TRPS1: variants seen among roughly 807,000 people sequenced by gnomAD.
The protein encoded by TRPS1 is transcriptional repressor GATA binding 1.
A neutral mutation model predicts 101.2 loss-of-function variants in TRPS1; 6 were observed. The observed-to-expected ratio is 0.06, with a 90% CI of 0.03 to 0.12. The LOEUF is 0.12. Among genes scored for constraint, TRPS1 ranks in the 10% least tolerant of loss-of-function variants. The probability of loss-of-function intolerance (pLI) is 1.00; values close to 1 mark genes in which losing one functional copy is unlikely to be tolerated. For synonymous variants in TRPS1, 578 were observed against 589.8 expected (o/e 0.98, Z 0.29); for missense variants, 1,363 against 1,567.0 (o/e 0.87, Z 2.20).
chr8:115,430,010 C>G (rs966205118), intron 5 of TRPS1, among the ~76,000 whole-genome samples: 1 of 152,094 alleles, frequency 6.6e-6, no homozygotes, highest in African/African-American at 2.4e-5. Flanking sequence ...CATAGTGTAG[C>G]TGAAATTTAA....
intron 5 of TRPS1, among the ~76,000 whole-genome samples, chr8:115,501,064 G>T (rs1391313816): frequency 2.0e-5 from 3 of 151,902 alleles, no homozygotes; most frequent in African/African-American, 2.4e-5. Flanking sequence ...CTGATTGTGC[G>T]ACTCTATCCT....
At chr8:115,658,185 T>C (rs1811717660) in intron 1 of TRPS1, among the ~76,000 whole-genome samples, 1 of 152,000 alleles carries the variant, frequency 6.6e-6, no homozygotes, top group East Asian at 1.9e-4. Context: ...AGTCAGAGGA[T>C]TTTCAAAAAG....
chr8:115,497,726 T>C (rs1017632095), intron 5 of TRPS1, among the ~76,000 whole-genome samples: 10 of 152,210 alleles, frequency 6.6e-5, no homozygotes, highest in African/African-American at 2.4e-4. Context: ...ACTTGCCCAA[T>C]TTTTGACATT....
rs800897 is a variant in TRPS1, at chr8:115,409,708, A to G, written c.*4315T>C. 1 of 151,778 alleles carries G rather than the reference A, an allele frequency of 6.6e-6. No homozygotes were observed. Among genetic ancestry groups the G allele is most frequent in the South Asian group, 2.1e-4 (1 of 4,818 alleles). The allele number at this position is 151,778 out of a possible 1,614,324, so 9.4% of individuals were successfully genotyped here. On this transcript the variant is annotated 3_prime_UTR_variant, in exon 7 of 7. Coordinates refer to ENST00000395715, the MANE Select transcript of TRPS1 (RefSeq NM_014112.5). ...GCCGTCTTTCTTTGGGAAAATAACA[A>G]TGCCCTCCAAAGTCCCGACGGGCGT...
intron 5 of TRPS1, among the ~76,000 whole-genome samples, chr8:115,513,346 C>G (rs149614746): frequency 6.6e-6 from 1 of 151,690 alleles, no homozygotes; most frequent in African/African-American, 2.4e-5. Flanking sequence ...TTATTTTAAG[C>G]ACCATATTTG....
intron 5 of TRPS1, among the ~76,000 whole-genome samples, chr8:115,521,862 A>AT (rs1021772101): frequency 2.6e-5 from 4 of 152,054 alleles, no homozygotes; most frequent in South Asian, 2.1e-4. Flanking sequence ...TCTTTCCCTG[A>AT]TTTTACCAAT....
chr8:115,602,472 A>G (rs1315296893), intron 4 of TRPS1, among the ~76,000 whole-genome samples: 1 of 152,208 alleles, frequency 6.6e-6, no homozygotes, highest in African/African-American at 2.4e-5. Context: ...TTGATGCAGG[A>G]CTGTGTCTTT....
chr8:115,668,118 G>T (rs1170556218), intron 1 of TRPS1: 1 of 600,020 alleles, frequency 1.7e-6, no homozygotes, highest in Non-Finnish European at 3.0e-6. Context: ...CTCCTCCCCG[G>T]CGGCTGAACT....
chr8:115,428,524 T>A (rs757468760), intron 5 of TRPS1, among the ~76,000 whole-genome samples: 15 of 152,246 alleles, frequency 9.9e-5, no homozygotes, highest in Non-Finnish European at 1.6e-4. Flanking sequence ...CTTATTTTAA[T>A]GTAAACAACA....
At chr8:115,552,730 A>C (rs572027821) in intron 5 of TRPS1, among the ~76,000 whole-genome samples, 1 of 152,272 alleles carries the variant, frequency 6.6e-6, no homozygotes, top group African/African-American at 2.4e-5. Context: ...CACTCTTCTT[A>C]TAATTTTTGT....
intron 5 of TRPS1, among the ~76,000 whole-genome samples, chr8:115,584,395 T>C (rs1358606308): frequency 2.0e-5 from 3 of 151,972 alleles, no homozygotes; most frequent in East Asian, 3.9e-4. Context: ...TTCTGAATAA[T>C]TGTAGTTACT....
intron 5 of TRPS1, among the ~76,000 whole-genome samples, chr8:115,558,578 A>C (rs1816878379): frequency 6.6e-6 from 1 of 152,080 alleles, no homozygotes; most frequent in African/African-American, 2.4e-5. Flanking sequence ...AAAAACACTT[A>C]CTCCTGGAAG....
chr8:115,612,920 C>T (rs563675631), intron 3 of TRPS1, among the ~76,000 whole-genome samples: 2 of 152,170 alleles, frequency 1.3e-5, no homozygotes, highest in South Asian at 4.2e-4. Flanking sequence ...TGAATGTAGG[C>T]GGAGGATAAA....
At chr8:115,474,529 A>T (rs1184462903) in intron 5 of TRPS1, among the ~76,000 whole-genome samples, 1 of 152,144 alleles carries the variant, frequency 6.6e-6, no homozygotes, top group Admixed American at 6.5e-5. Context: ...TTGTAGCTTA[A>T]ATTTTTTTCT....
At chr8:115,558,647 C>CT (rs1563602416) in intron 5 of TRPS1, among the ~76,000 whole-genome samples, 2 of 152,120 alleles carry the variant, frequency 1.3e-5, no homozygotes, top group African/African-American at 4.8e-5. Flanking sequence ...TTAATCACTG[C>CT]TTTTTTTCAT....
chr8:115,603,902 T>G lies in TRPS1; in HGVS notation c.2067A>C (p.Gln689His). Residue 689 changes from glutamine to histidine, a missense_variant, in exon 4 of 7, where the codon CAA becomes CAC. This residue lies in a region of TRPS1 where 1,020 missense variants were observed against 1,073.0 expected (regional missense o/e 0.95). Transcript: ENST00000395715. ...AGTGTCGGGAAATCTCTTCTTCCAC[T>G]TGGGTAATAAAATCACATTTGGTAC... ...HSCTKCDFIT[Q>H]VEEEISRHYR... is the part of the protein sequence containing the mutation. The G allele has an allele frequency of 6.2e-7, 1 of 1,613,964 alleles. No individual in the cohort carries two copies. Among genetic ancestry groups the G allele is most frequent in the East Asian group, 2.2e-5 (1 of 44,874 alleles).
In TRPS1 at chr8:115,623,746, CT is replaced by C; in HGVS notation, c.-110del. ...GAAGACACAGAAGACATTTTGAGAG[CT>C]GATCTGTACATCTGCAAAACAAAGC... On this transcript the variant is annotated 5_prime_UTR_variant, in exon 2 of 7. The change creates a premature stop within an existing upstream ORF in the 5' untranslated region. Coordinates refer to ENST00000395715, the MANE Select transcript of TRPS1 (RefSeq NM_014112.5). The C allele has an allele frequency of 6.6e-7, 1 of 1,520,810 alleles. No homozygotes were observed. The highest frequency in any genetic ancestry group is 8.8e-7 in the Non-Finnish European group (1 of 1,135,768). The allele number at this position is 1,520,810 out of a possible 1,614,324, so 94.2% of individuals were successfully genotyped here. A position where few individuals can be genotyped will look rare whatever the true frequency, so the allele number is the denominator to read the frequency against.
In TRPS1 at chr8:115,604,223, T is replaced by C. The variant is rs756374891; in HGVS notation, c.1746A>G (p.Arg582=). ...CTIKHCPFCP[R]GLCSPEKHLG... is the part of the protein sequence containing the mutation. Reference sequence around the variant, plus strand: ...GGTGCTTTTCTGGGCTGCAAAGTCCTCTGGGACAGAATGGACAGTGTTTAA... The same window carrying C: ...GGTGCTTTTCTGGGCTGCAAAGTCCCCTGGGACAGAATGGACAGTGTTTAA... The change falls in exon 4 of 7, where the codon AGA becomes AGG. Residue 582 remains arginine, a synonymous_variant. Transcript: ENST00000395715. This position sits in a 1 kb window ranked among gnomAD's most constrained non-coding sequence, Gnocchi z 4.1. 1 of 1,614,110 alleles carries C rather than the reference T, an allele frequency of 6.2e-7. No individual in the cohort carries two copies. Among genetic ancestry groups the C allele is most frequent in the Non-Finnish European group, 8.5e-7 (1 of 1,180,002 alleles).
chr8:115,464,102 T>C (rs773280547), intron 5 of TRPS1, among the ~76,000 whole-genome samples: 3 of 152,000 alleles, frequency 2.0e-5, no homozygotes, highest in Admixed American at 6.6e-5. Context: ...AATCACCAAA[T>C]AGCTGTCTTG....
Sources: allele counts gnomAD v4.1 joint callset (sites outside exome capture counted in the v4.1 genomes callset), GRCh38; gene constraint gnomAD v4.1.1; regional missense constraint gnomAD v4.1.1; non-coding constraint Gnocchi (gnomAD v3.1); transcripts MANE v1.5; gene names NCBI Gene and HGNC (gene_info 2026-07-23, HGNC 2026-07-21).